The following NIBAN1 variants were observed in gnomAD, a reference collection of about 807,000 sequenced individuals.
NIBAN1 encodes niban apoptosis regulator 1, also known as protein Niban 1.
A neutral mutation model predicts 75.1 loss-of-function variants in NIBAN1; 81 were observed. The observed-to-expected ratio is 1.08, with a 90% CI of 0.90 to 1.30. The LOEUF (loss-of-function observed/expected upper bound fraction) is 1.30, where lower values mean the gene tolerates loss of function less well. Ranked by LOEUF, NIBAN1 falls within the 50% of genes most tolerant of loss-of-function variation. NIBAN1 has a pLI of 0.00. For missense variants in NIBAN1, 1,133 were observed against 1,128.1 expected (o/e 1.00, Z -0.06); for synonymous variants, 436 against 424.8 (o/e 1.03, Z -0.32).
intron 1 of NIBAN1, among the ~76,000 whole-genome samples, chr1:184,931,603 A>G (rs1657824696): frequency 6.6e-6 from 1 of 152,248 alleles, no homozygotes; most frequent in African/African-American, 2.4e-5. Flanking sequence ...GAATGACCAC[A>G]ATTCTGTATT....
intron 1 of NIBAN1, among the ~76,000 whole-genome samples, chr1:184,967,191 CTCTCTT>C (rs1658813115): frequency 6.8e-5 from 10 of 146,980 alleles, no homozygotes; most frequent in Non-Finnish European, 1.5e-4. Flanking sequence ...ATCTCTTTCT[CTCTCTT>C]TCCCTCCCTC....
chr1:184,965,782 G>A (rs1433461404), intron 1 of NIBAN1, among the ~76,000 whole-genome samples: 1 of 152,046 alleles, frequency 6.6e-6, no homozygotes, highest in Non-Finnish European at 1.5e-5. Context: ...ACCTGCACGC[G>A]CTGCACATCT....
chr1:184,901,113 G>A (rs1435090306), intron 1 of NIBAN1, among the ~76,000 whole-genome samples: 2 of 152,196 alleles, frequency 1.3e-5, no homozygotes, highest in Non-Finnish European at 2.9e-5. Flanking sequence ...CATAATGTAT[G>A]AATACTCTCC....
intron 5 of NIBAN1, among the ~76,000 whole-genome samples, chr1:184,845,162 T>C (rs1655402904): frequency 6.6e-6 from 1 of 152,222 alleles, no homozygotes; most frequent in African/African-American, 2.4e-5. Flanking sequence ...GCCAAAGGCC[T>C]GGGATCCTGT....
intron 12 of NIBAN1, among the ~76,000 whole-genome samples, chr1:184,800,672 T>C (rs894681068): frequency 3.3e-5 from 5 of 152,132 alleles, no homozygotes; most frequent in Non-Finnish European, 7.3e-5. Context: ...GATCAGATAG[T>C]TGTAGATATA....
At chr1:184,838,448 T>C (rs1655196779) in intron 5 of NIBAN1, among the ~76,000 whole-genome samples, 1 of 152,152 alleles carries the variant, frequency 6.6e-6, no homozygotes, top group Admixed American at 6.5e-5. Flanking sequence ...TTTGGGGAGA[T>C]AGAGGGGAGA....
chr1:184,838,507 G>A (rs942865460), intron 5 of NIBAN1, among the ~76,000 whole-genome samples: 1 of 152,180 alleles, frequency 6.6e-6, no homozygotes, highest in African/African-American at 2.4e-5. Context: ...ACCAAGAACT[G>A]TGTAGGAATG....
chr1:184,851,771 T>C (rs1655543173), intron 5 of NIBAN1, among the ~76,000 whole-genome samples: 1 of 152,070 alleles, frequency 6.6e-6, no homozygotes, highest in Non-Finnish European at 1.5e-5. Flanking sequence ...GATTTTGTAC[T>C]TGTGGCTCAA....
chr1:184,798,407 C>T (rs902710517), intron 12 of NIBAN1, among the ~76,000 whole-genome samples: 1 of 152,220 alleles, frequency 6.6e-6, no homozygotes, highest in African/African-American at 2.4e-5. Context: ...GACCTCGACA[C>T]ATCTATTACT....
chr1:184,909,383 A>G (rs959705625), intron 1 of NIBAN1, among the ~76,000 whole-genome samples: 1 of 151,672 alleles, frequency 6.6e-6, no homozygotes, highest in African/African-American at 2.4e-5. Context: ...TATATTTTAC[A>G]TTTTTTCTTT....
intron 5 of NIBAN1, among the ~76,000 whole-genome samples, chr1:184,871,505 G>A (rs914123151): frequency 6.6e-6 from 1 of 152,084 alleles, no homozygotes; most frequent in Non-Finnish European, 1.5e-5. Flanking sequence ...CCCTCAGAAG[G>A]AACCAACCCT....
At chr1:184,902,139 A>G (rs1395143849) in intron 1 of NIBAN1, among the ~76,000 whole-genome samples, 1 of 152,134 alleles carries the variant, frequency 6.6e-6, no homozygotes, top group Non-Finnish European at 1.5e-5. Flanking sequence ...AAGCTGAGGC[A>G]GGAACATTGC....
chr1:184,953,128 C>T (rs1321312531), intron 1 of NIBAN1, among the ~76,000 whole-genome samples: 2 of 152,208 alleles, frequency 1.3e-5, no homozygotes, highest in African/African-American at 4.8e-5. Context: ...GTCCCTATCA[C>T]AGTGTTAAGT....
chr1:184,943,599 G>C (rs561538148), intron 1 of NIBAN1, among the ~76,000 whole-genome samples: 1 of 55,018 alleles, frequency 1.8e-5, no homozygotes, highest in Non-Finnish European at 4.4e-5. Context: ...TTTGCAACTT[G>C]CTAAGGAATG....
At chr1:184,925,438 CCTG>C (rs1483240439) in intron 1 of NIBAN1, among the ~76,000 whole-genome samples, 5 of 152,070 alleles carry the variant, frequency 3.3e-5, no homozygotes, top group African/African-American at 4.8e-5. Flanking sequence ...AGGGCTTACT[CCTG>C]CTATTTTGTT....
chr1:184,797,331 G>GTA, intron 13 of NIBAN1, among the ~76,000 whole-genome samples: 1 of 151,908 alleles, frequency 6.6e-6, no homozygotes, highest in Middle Eastern at 3.4e-3. Flanking sequence ...TAGTAGAGAT[G>GTA]GAGTTTCACC....
At chr1:184,812,410 A>G (rs923693463) in intron 9 of NIBAN1, among the ~76,000 whole-genome samples, 1 of 152,220 alleles carries the variant, frequency 6.6e-6, no homozygotes, top group East Asian at 1.9e-4. Context: ...AGGATGGTGC[A>G]GCAAGCTGGG....
intron 5 of NIBAN1, among the ~76,000 whole-genome samples, chr1:184,873,145 T>C (rs1379847619): frequency 6.6e-6 from 1 of 152,128 alleles, no homozygotes; most frequent in Non-Finnish European, 1.5e-5. Flanking sequence ...CTTTCAAGAA[T>C]ACGAATGAGA....
rs1654756211 is a variant in NIBAN1, at chr1:184,823,347, A to ACATAAAT, written c.823-25_823-19dup. 1 of 1,613,442 alleles carries ACATAAAT rather than the reference A, an allele frequency of 6.2e-7. No homozygotes were observed. The highest frequency in any genetic ancestry group is 8.5e-7 in the Non-Finnish European group (1 of 1,179,768). ...TCGAGGAGCTGCAACAAGGAATAAC[A>ACATAAAT]CATAAATCAGGGCTCTGTCACGTGT... On this transcript the variant is annotated intron_variant, in intron 7 of 13. Coordinates refer to ENST00000367511, the MANE Select transcript of NIBAN1 (RefSeq NM_052966.4).
Sources: allele counts gnomAD v4.1 joint callset (sites outside exome capture counted in the v4.1 genomes callset), GRCh38; gene constraint gnomAD v4.1.1; transcripts MANE v1.5; gene names NCBI Gene and HGNC (gene_info 2026-07-23, HGNC 2026-07-21).